Variants in STAG1 observed in about 807,000 individuals in gnomAD.
STAG1 encodes the protein STAG1 cohesin complex component, also known as cohesin subunit SA-1.
STAG1 carries 26 observed loss-of-function variants against 170.9 expected under a neutral mutation model. The ratio of observed to expected loss-of-function variants is 0.15; its 90% CI spans 0.11 to 0.21. STAG1 has a LOEUF of 0.21. Ranked by LOEUF, STAG1 falls within the 10% of genes least tolerant of loss-of-function variation. STAG1 has a pLI of 1.00. For missense variants in STAG1, 964 were observed against 1,509.5 expected (o/e 0.64, Z 5.99); for synonymous variants, 514 against 497.7 (o/e 1.03, Z -0.44).
chr3:136,477,470 T>C, intron 9 of STAG1, 58 bp from the exon 10 acceptor site: 4 of 1,440,392 alleles, frequency 2.8e-6, no homozygotes, highest in South Asian at 3.0e-5. Flanking sequence ...AATGCATTCA[T>C]ACTCGCTTTC....
At chr3:136,618,602 C>T (rs530399081) in intron 3 of STAG1, among the ~76,000 whole-genome samples, 1 of 152,032 alleles carries the variant, frequency 6.6e-6, no homozygotes, top group Non-Finnish European at 1.5e-5. Context: ...TAATAAAACA[C>T]GAGAGACTAA....
chr3:136,518,887 G>A (rs563336701), intron 7 of STAG1, among the ~76,000 whole-genome samples: 9 of 152,138 alleles, frequency 5.9e-5, no homozygotes, highest in East Asian at 1.9e-4. Flanking sequence ...CAGGTAGACC[G>A]TGGAAAAGAG....
chr3:136,497,520 T>C (rs1933176929), intron 9 of STAG1, among the ~76,000 whole-genome samples: 1 of 151,894 alleles, frequency 6.6e-6, no homozygotes, highest in East Asian at 1.9e-4. Flanking sequence ...ATATTCCTAA[T>C]AAAAACTCTC....
chr3:136,716,655 GAAAC>G (rs1374088992), intron 1 of STAG1, among the ~76,000 whole-genome samples: 1 of 152,032 alleles, frequency 6.6e-6, no homozygotes, highest in Non-Finnish European at 1.5e-5. Flanking sequence ...TCTTTAAAAA[GAAAC>G]AAACAAAAAA....
intron 5 of STAG1, among the ~76,000 whole-genome samples, chr3:136,563,916 G>A (rs1413464920): frequency 1.3e-5 from 2 of 151,864 alleles, no homozygotes; most frequent in South Asian, 2.1e-4. Flanking sequence ...CCAGCTACTC[G>A]GGAGGCTGAG....
chr3:136,423,102 T>C (rs1370307308), intron 16 of STAG1, 58 bp from the exon 17 acceptor site: 3 of 1,134,448 alleles, frequency 2.6e-6, no homozygotes, highest in Non-Finnish European at 3.7e-6. Flanking sequence ...ATCCAAACTG[T>C]TACATATATT....
intron 3 of STAG1, 117 bp downstream of exon 3, chr3:136,623,029 T>C (rs745731664): frequency 1.7e-5 from 14 of 810,996 alleles, no homozygotes; most frequent in Admixed American, 2.6e-5. Flanking sequence ...CCAATCTCTA[T>C]TGTGTCACTG....
rs1935058661 is a variant in STAG1 at position 136,748,395 on chromosome 3, T to C, written c.-84+3800A>G. On this transcript the variant is annotated intron_variant, in intron 1 of 33. Coordinates refer to ENST00000383202, the MANE Select transcript of STAG1 (RefSeq NM_005862.3). ...TGGTCGGGGCACACTCAAAAAATAA[T>C]AAATTTTTTTTTTTTTCCTGAGACG... is the stretch of plus-strand genomic sequence containing the variant. Among the ~76,000 whole-genome samples the C allele has an allele frequency of 3.3e-5, 5 of 150,830 alleles. No homozygotes were observed. The South Asian group carries it at 1.1e-3, about 32-fold the overall frequency.
chr3:136,417,814 TC>T (rs750668209), intron 21 of STAG1, 70 bp downstream of exon 21: 14 of 1,136,424 alleles, frequency 1.2e-5, no homozygotes, highest in Non-Finnish European at 1.6e-5. Flanking sequence ...ATAAAAGGCT[TC>T]TGATAATCAT....
At chr3:136,515,307 G>C (rs949287247) in intron 7 of STAG1, among the ~76,000 whole-genome samples, 1 of 152,174 alleles carries the variant, frequency 6.6e-6, no homozygotes, top group African/African-American at 2.4e-5. Flanking sequence ...GGAGGTTGCA[G>C]GGAGCCAAGA....
chr3:136,735,600 G>A (rs1306564808), intron 1 of STAG1, among the ~76,000 whole-genome samples: 5 of 151,944 alleles, frequency 3.3e-5, no homozygotes, highest in Admixed American at 2.6e-4. Context: ...ACCACACCCA[G>A]CTAATTTTTG....
intron 2 of STAG1, among the ~76,000 whole-genome samples, chr3:136,626,079 A>C (rs1328187951): frequency 6.6e-6 from 1 of 151,528 alleles, no homozygotes; most frequent in Non-Finnish European, 1.5e-5. Context: ...AAACAACAAA[A>C]ATGAAACTAT....
intron 6 of STAG1, among the ~76,000 whole-genome samples, chr3:136,536,345 T>G (rs531553051): frequency 6.6e-6 from 1 of 152,194 alleles, no homozygotes; most frequent in Admixed American, 6.5e-5. Context: ...TGACCAGGGT[T>G]GTCCAAACTG....
intron 14 of STAG1, among the ~76,000 whole-genome samples, chr3:136,448,844 C>G (rs1283850034): frequency 1.3e-5 from 2 of 151,914 alleles, no homozygotes; most frequent in Non-Finnish European, 2.9e-5. Flanking sequence ...GAGGCTGAGA[C>G]AGGAGAATCG....
In STAG1 at chr3:136,715,686, A is replaced by G. The variant is rs192553820; in HGVS notation, c.-84+36509T>C. 2.6e-5 allele frequency among the ~76,000 whole-genome samples: 4 copies of G among 152,330 alleles called. No individual in the cohort carries two copies. In the East Asian group the frequency reaches 5.8e-4, roughly 22 times the overall value. ...AACTTTATGTGTTTTATTTCACAAT[A>G]AAAGGGAATTGTGAAAAACGTTTTT... On this transcript the variant is annotated intron_variant, in intron 1 of 33. Transcript: ENST00000383202.
At position 136,452,126 on chromosome 3, in the gene STAG1, T is replaced by C. The variant is rs760830473; in HGVS notation, c.1335A>G (p.Pro445=). The C allele has an allele frequency of 5.0e-6, 8 of 1,613,248 alleles. No individual in the cohort carries two copies. In the South Asian group the frequency reaches 6.6e-5, roughly 13 times the overall value. The part of the protein sequence containing the change: ...LHKKLFSRHD[P]QAEEALAKRR... ...TCTTTGCTAATGCTTCTTCTGCTTG[T>C]GGGTCATGTCTGCTAAATAGCCTGG... Residue 445 remains proline (P), a synonymous_variant, in exon 14 of 34, where the codon CCA becomes CCG. Coordinates refer to ENST00000383202, the MANE Select transcript of STAG1 (RefSeq NM_005862.3).
intron 1 of STAG1, among the ~76,000 whole-genome samples, chr3:136,733,301 G>T (rs1934149147): frequency 6.6e-6 from 1 of 151,604 alleles, no homozygotes. Flanking sequence ...GCCCAGGCTG[G>T]TCTCAAACTT....
At chr3:136,565,676 G>A (rs1187179039) in intron 5 of STAG1, among the ~76,000 whole-genome samples, 2 of 152,134 alleles carry the variant, frequency 1.3e-5, no homozygotes, top group Non-Finnish European at 2.9e-5. Context: ...CTACTCCTAA[G>A]AATTTACACC....
At position 136,610,521 on chromosome 3, in the gene STAG1, T is replaced by G. The variant is rs567340045; in HGVS notation, c.133-6048A>C. On this transcript the variant is annotated intron_variant, in intron 3 of 33. Transcript: ENST00000383202. ...GTTGTGTATATGCTTTTAACTGAAT[T>G]GGAGAAGTGTATTTAACAGCTTATC... Among the ~76,000 whole-genome samples, 15 of 152,258 alleles carry G rather than the reference T, an allele frequency of 9.9e-5. No individual in the cohort carries two copies. The South Asian group carries it at 3.1e-3, about 32-fold the overall frequency.
Sources: gnomAD v4.1 joint callset for allele counts (sites outside exome capture counted in the v4.1 genomes callset) on GRCh38, gnomAD v4.1.1 for gene constraint, MANE v1.5 for transcripts, NCBI Gene and HGNC (gene_info 2026-07-23, HGNC 2026-07-21) for gene names.